The following CYRIA variants were observed in gnomAD, a reference collection of about 807,000 sequenced individuals.
The protein encoded by CYRIA is CYFIP-related Rac1 interactor A.
A neutral mutation model predicts 43.9 loss-of-function variants in CYRIA; 15 were observed. That is an observed-to-expected ratio of 0.34 (90% CI 0.23 to 0.53). The LOEUF (loss-of-function observed/expected upper bound fraction) is 0.53. Among genes scored for constraint, CYRIA ranks in the 20% least tolerant of loss-of-function variants. The pLI is 0.94. For synonymous variants in CYRIA, 117 were observed against 136.0 expected (o/e 0.86, Z 0.97); for missense variants, 236 against 394.2 (o/e 0.60, Z 3.40).
chr2:16,619,546 C>T (rs902271310), intron 2 of CYRIA, among the ~76,000 whole-genome samples: 4 of 152,172 alleles, frequency 2.6e-5, no homozygotes, highest in African/African-American at 9.7e-5. Flanking sequence ...ATGGTGTAAT[C>T]CATGCTGTTA....
chr2:16,627,467 T>C (rs1364703061), intron 1 of CYRIA, among the ~76,000 whole-genome samples: 3 of 152,244 alleles, frequency 2.0e-5, no homozygotes, highest in Admixed American at 6.5e-5. Context: ...TGTTTAGCAC[T>C]GTACATGTAG....
rs1159597523 is a variant in CYRIA, at chr2:16,600,441, CTG to C, written c.-10-12314_-10-12313del. 3.3e-5 allele frequency among the ~76,000 whole-genome samples: 5 copies of C among 152,300 alleles called. No homozygotes were observed. In the South Asian group the frequency reaches 6.2e-4, roughly 19 times the overall value. ...GAAAATGCTACCTTTAACAATTACTCTGAGAGAATTACTCAATCCCCAGGGCA... is the reference window on the plus strand; with the variant it reads ...GAAAATGCTACCTTTAACAATTACTCAGAGAATTACTCAATCCCCAGGGCA... On this transcript the variant is annotated intron_variant, in intron 2 of 11. Transcript: ENST00000381323.
chr2:16,635,378 C>G (rs913878088), intron 1 of CYRIA, among the ~76,000 whole-genome samples: 3 of 152,142 alleles, frequency 2.0e-5, no homozygotes, highest in Non-Finnish European at 2.9e-5. Flanking sequence ...TTGCAGGAAC[C>G]CTGGGAGGGC....
At chr2:16,644,275 G>A (rs1669756923) in intron 1 of CYRIA, among the ~76,000 whole-genome samples, 1 of 152,238 alleles carries the variant, frequency 6.6e-6, no homozygotes, top group South Asian at 2.1e-4. Context: ...CCCAGGTAGA[G>A]AGCCGATGTG....
At chr2:16,584,729 C>G (rs180820562) in intron 3 of CYRIA, among the ~76,000 whole-genome samples, 5 of 152,130 alleles carry the variant, frequency 3.3e-5, no homozygotes, top group Non-Finnish European at 5.9e-5. Context: ...TTCAAACATG[C>G]CCTTCCTATT....
At chr2:16,579,419 G>GCACACACA (rs35850813) in intron 3 of CYRIA, among the ~76,000 whole-genome samples, 11,533 of 147,334 alleles carry the variant, frequency 0.078, 521 homozygotes, top group African/African-American at 0.13. Context: ...ACATGCACAT[G>GCACACACA]CACACACACA....
chr2:16,637,709 T>G (rs1467390844), intron 1 of CYRIA, among the ~76,000 whole-genome samples: 1 of 152,264 alleles, frequency 6.6e-6, no homozygotes, highest in Non-Finnish European at 1.5e-5. Context: ...AATTTTTTTA[T>G]GCTAATAATG....
chr2:16,599,991 G>A (rs554888008), intron 2 of CYRIA, among the ~76,000 whole-genome samples: 14 of 152,190 alleles, frequency 9.2e-5, no homozygotes, highest in African/African-American at 3.4e-4. Flanking sequence ...CCTGACCTCA[G>A]GTGATCCACC....
chr2:16,600,217 C>T lies in CYRIA; in HGVS notation c.-10-12088G>A, dbSNP rs191902696. 1.8e-3 allele frequency among the ~76,000 whole-genome samples: 276 copies of T among 152,318 alleles called. 1 individual carries two copies. The highest frequency in any genetic ancestry group is 6.4e-3 in the African/African-American group (264 of 41,550). On this transcript the variant is annotated intron_variant, in intron 2 of 11. Coordinates refer to ENST00000381323, the MANE Select transcript of CYRIA (RefSeq NM_030797.4). ...AATGCCAAAGCATAAAAAGTTAACA[C>T]GTAGATTTTCTAGCAATCTGAAGTC...
At chr2:16,652,232 A>G (rs1406836185) in intron 1 of CYRIA, among the ~76,000 whole-genome samples, 1 of 152,150 alleles carries the variant, frequency 6.6e-6, no homozygotes, top group Admixed American at 6.5e-5. Context: ...TTCCGTCTTC[A>G]GTGAGCTCTT....
At chr2:16,590,068 G>GCACA (rs70961461) in intron 2 of CYRIA, among the ~76,000 whole-genome samples, 4,426 of 147,778 alleles carry the variant, frequency 0.03, 194 homozygotes, top group South Asian at 0.1. Flanking sequence ...GGGCATGCAT[G>GCACA]CACACACACA....
intron 9 of CYRIA, chr2:16,560,570 C>T (rs776725281): frequency 1.6e-5 from 3 of 182,276 alleles, no homozygotes; most frequent in Non-Finnish European, 3.5e-5. Context: ...CAAAAAGAGA[C>T]AGAGAGAGAG....
chr2:16,578,244 C>T (rs1425846131), intron 3 of CYRIA, among the ~76,000 whole-genome samples: 1 of 152,120 alleles, frequency 6.6e-6, no homozygotes, highest in Non-Finnish European at 1.5e-5. Flanking sequence ...TGGACTCAAC[C>T]CCACTAGTGG....
chr2:16,609,324 A>C (rs578148025), intron 2 of CYRIA, among the ~76,000 whole-genome samples: 2 of 152,322 alleles, frequency 1.3e-5, no homozygotes, highest in East Asian at 3.9e-4. Context: ...TTGTCTAAAG[A>C]GTACAGTACA....
intron 1 of CYRIA, among the ~76,000 whole-genome samples, chr2:16,660,263 C>T (rs1178085344): frequency 1.3e-5 from 2 of 152,230 alleles, no homozygotes; most frequent in Non-Finnish European, 1.5e-5. Flanking sequence ...GCACAGAGAT[C>T]TGCTCTTCCC....
At chr2:16,631,347 A>C (rs1273528645) in intron 1 of CYRIA, among the ~76,000 whole-genome samples, 1 of 152,244 alleles carries the variant, frequency 6.6e-6, no homozygotes, top group African/African-American at 2.4e-5. Context: ...AGGGCAGTGA[A>C]TAGCCCAGCG....
intron 1 of CYRIA, among the ~76,000 whole-genome samples, chr2:16,642,820 G>A (rs1426422882): frequency 6.6e-6 from 1 of 152,000 alleles, no homozygotes; most frequent in Non-Finnish European, 1.5e-5. Flanking sequence ...AATAGTTTTT[G>A]CTCAAATGTC....
chr2:16,661,861 C>T (rs1413021049), intron 1 of CYRIA, among the ~76,000 whole-genome samples: 2 of 152,094 alleles, frequency 1.3e-5, no homozygotes, highest in Admixed American at 6.5e-5. Context: ...TCCCCATTTT[C>T]TTAACTGTAA....
chr2:16,554,467 G>T (rs1000378184), intron 11 of CYRIA, among the ~76,000 whole-genome samples: 2 of 152,166 alleles, frequency 1.3e-5, no homozygotes, highest in Admixed American at 6.5e-5. Flanking sequence ...GCTGAAACAT[G>T]CCACAGCTGG....
Sources: allele counts gnomAD v4.1 joint callset (sites outside exome capture counted in the v4.1 genomes callset), GRCh38; gene constraint gnomAD v4.1.1; transcripts MANE v1.5; gene names NCBI Gene and HGNC (gene_info 2026-07-23, HGNC 2026-07-21).